PTPRD: variants seen among roughly 807,000 people sequenced by gnomAD.
PTPRD encodes the protein receptor-type tyrosine-protein phosphatase delta.
Under a neutral mutation model 214.5 loss-of-function variants are expected in PTPRD, and 34 were observed. The ratio of observed to expected loss-of-function variants is 0.16; its 90% CI spans 0.12 to 0.21. PTPRD has a LOEUF of 0.21. PTPRD is among the 10% of genes least tolerant of loss of function. The pLI is 1.00. For synonymous variants in PTPRD, 1,128 were observed against 845.7 expected, an observed-to-expected ratio of 1.33 and a Z score of -5.79; for missense variants, 2,545 against 2,398.7, an observed-to-expected ratio of 1.06 and a Z score of -1.27.
intron 5 of PTPRD, among the ~76,000 whole-genome samples, chr9:9,914,003 C>T (rs2079964799): frequency 6.6e-6 from 1 of 152,162 alleles, no homozygotes; most frequent in African/African-American, 2.4e-5. Flanking sequence ...GGACTCTGGG[C>T]CTAGGATCAG....
chr9:9,368,782 T>C lies in PTPRD; in HGVS notation c.-203+28667A>G, dbSNP rs542983912. 9.5e-4 allele frequency among the ~76,000 whole-genome samples: 144 copies of C among 152,046 alleles called. 1 individual carries two copies. Among genetic ancestry groups the C allele is most frequent in the Middle Eastern group, 3.4e-3 (1 of 294 alleles). ...TTTAAATTTTATTATTATTATACTTTAAGTTTTAGAGTACATGTGCACAAC... is the reference window on the plus strand; with the variant it reads ...TTTAAATTTTATTATTATTATACTTCAAGTTTTAGAGTACATGTGCACAAC... On this transcript the variant is annotated intron_variant, in intron 9 of 45. Transcript: ENST00000381196.
chr9:8,764,916 T>A (rs894533220), intron 11 of PTPRD, among the ~76,000 whole-genome samples: 1 of 152,068 alleles, frequency 6.6e-6, no homozygotes, highest in African/African-American at 2.4e-5. Context: ...CATCTCATGA[T>A]TGGGCATGAG....
At chr9:9,029,819 C>G (rs780496617) in intron 10 of PTPRD, among the ~76,000 whole-genome samples, 2 of 151,808 alleles carry the variant, frequency 1.3e-5, no homozygotes, top group Non-Finnish European at 2.9e-5. Flanking sequence ...AGAAAATGTA[C>G]TTAAGACTTC....
intron 35 of PTPRD, among the ~76,000 whole-genome samples, chr9:8,422,448 G>A (rs1469946922): frequency 6.6e-6 from 1 of 151,946 alleles, no homozygotes; most frequent in African/African-American, 2.4e-5. Context: ...TTTTATCTAG[G>A]GAGTCTACTT....
intron 9 of PTPRD, among the ~76,000 whole-genome samples, chr9:9,278,558 G>C (rs751113015): frequency 6.6e-6 from 1 of 151,274 alleles, no homozygotes; most frequent in Non-Finnish European, 1.5e-5. Context: ...TTTGGGAAAA[G>C]TTAAGAGCCT....
chr9:8,355,643 G>T (rs1396384053), intron 39 of PTPRD, among the ~76,000 whole-genome samples: 2 of 152,146 alleles, frequency 1.3e-5, no homozygotes, highest in Non-Finnish European at 2.9e-5. Context: ...CAACTCAATG[G>T]ATGCAAAATG....
intron 10 of PTPRD, among the ~76,000 whole-genome samples, chr9:9,135,223 A>G (rs10977514): frequency 0.039 from 6,016 of 152,316 alleles, 258 homozygotes; most frequent in African/African-American, 0.095. Context: ...GTATGCTTTC[A>G]ACTCAGAAGA....
chr9:9,953,515 C>T (rs1446986926), intron 4 of PTPRD, among the ~76,000 whole-genome samples: 1 of 152,008 alleles, frequency 6.6e-6, no homozygotes, highest in Non-Finnish European at 1.5e-5. Context: ...CACACACACA[C>T]ACACACACAT....
chr9:10,276,828 C>A (rs1176171213), intron 3 of PTPRD, among the ~76,000 whole-genome samples: 2 of 152,126 alleles, frequency 1.3e-5, no homozygotes, highest in African/African-American at 2.4e-5. Flanking sequence ...AAAGCCAACC[C>A]AAATTAGAGT....
In PTPRD at chr9:9,286,307, G is replaced by A. The variant is rs376723280; in HGVS notation, c.-202-102944C>T. ...AAAATTTTACTTGCTTTTGTTATCA[G>A]ATGAGTCCCAGCAGGGCTATAAATT... On this transcript the variant is annotated intron_variant, in intron 9 of 45. Coordinates refer to ENST00000381196, the MANE Select transcript of PTPRD (RefSeq NM_002839.4). Among the ~76,000 whole-genome samples the A allele has an allele frequency of 8.6e-5, 13 of 151,912 alleles. No individual in the cohort carries two copies. The East Asian group carries it at 2.0e-3, about 23-fold the overall frequency.
At chr9:10,323,452 G>A (rs1444905622) in intron 3 of PTPRD, among the ~76,000 whole-genome samples, 1 of 150,756 alleles carries the variant, frequency 6.6e-6, no homozygotes, top group Non-Finnish European at 1.5e-5. Context: ...AATCCACTAT[G>A]CCTGGCTAAT....
chr9:8,573,250 G>T (rs1049171485), intron 14 of PTPRD, among the ~76,000 whole-genome samples: 2 of 151,876 alleles, frequency 1.3e-5, no homozygotes, highest in African/African-American at 4.8e-5. Flanking sequence ...TGCAAATTTT[G>T]TTATTCTCTT....
intron 2 of PTPRD, among the ~76,000 whole-genome samples, chr9:10,524,137 C>A (rs974869523): frequency 3.3e-5 from 5 of 151,986 alleles, no homozygotes; most frequent in African/African-American, 1.2e-4. Flanking sequence ...GGCCACCGAT[C>A]CTATAGAAAG....
Position 9,076,716 on chromosome 9 carries a change from C to T in PTPRD, c.-142-57981G>A, listed in dbSNP as rs556812189. Among the ~76,000 whole-genome samples, 70 of 151,850 alleles carry T rather than the reference C, an allele frequency of 4.6e-4. 1 individual carries two copies. Among genetic ancestry groups the T allele is most frequent in the Admixed American group, 2.8e-3 (42 of 15,232 alleles). On this transcript the variant is annotated intron_variant, in intron 10 of 45. Transcript: ENST00000381196. ...TCATCTGAGGATGGACATTAGGTTGCCTCAAAATCTTGGCTATTGTGAATA... is the reference window on the plus strand; with the variant it reads ...TCATCTGAGGATGGACATTAGGTTGTCTCAAAATCTTGGCTATTGTGAATA...
chr9:10,049,995 A>G (rs891251058), intron 3 of PTPRD, among the ~76,000 whole-genome samples: 1 of 152,150 alleles, frequency 6.6e-6, no homozygotes, highest in African/African-American at 2.4e-5. Flanking sequence ...GTGCTTATTT[A>G]CTTTTTCATC....
chr9:9,009,025 T>C (rs531967326), intron 11 of PTPRD, among the ~76,000 whole-genome samples: 1 of 152,142 alleles, frequency 6.6e-6, no homozygotes, highest in Non-Finnish European at 1.5e-5. Context: ...TGAAATCTAT[T>C]TGAAAGACAA....
At chr9:9,031,480 T>C (rs989352753) in intron 10 of PTPRD, among the ~76,000 whole-genome samples, 8 of 152,024 alleles carry the variant, frequency 5.3e-5, no homozygotes, top group Non-Finnish European at 8.8e-5. Context: ...CTGTAGTCAA[T>C]TGTAACAGAA....
chr9:9,200,377 C>G lies in PTPRD; in HGVS notation c.-202-17014G>C, dbSNP rs145249985. Reference sequence around the variant, plus strand: ...TCTTCTTACATTTCTACAAAGAGCACTTCAGGAAAATTCTTCTCTCTTCTT... The same window carrying G: ...TCTTCTTACATTTCTACAAAGAGCAGTTCAGGAAAATTCTTCTCTCTTCTT... On this transcript the variant is annotated intron_variant, in intron 9 of 45. Transcript: ENST00000381196. Among the ~76,000 whole-genome samples the G allele has an allele frequency of 5.7e-4, 87 of 152,314 alleles. 1 individual carries two copies. The East Asian group carries it at 0.016, about 28-fold the overall frequency.
At chr9:10,083,199 T>C (rs757752633) in intron 3 of PTPRD, among the ~76,000 whole-genome samples, 19 of 152,174 alleles carry the variant, frequency 1.2e-4, no homozygotes, top group Non-Finnish European at 2.5e-4. Flanking sequence ...TTATTTCTTA[T>C]GATAGAGCCT....
Sources: allele counts gnomAD v4.1 joint callset (sites outside exome capture counted in the v4.1 genomes callset), GRCh38; gene constraint gnomAD v4.1.1; transcripts MANE v1.5; gene names NCBI Gene and HGNC (gene_info 2026-07-23, HGNC 2026-07-21).